SEL1L3: variants seen among roughly 807,000 people sequenced by gnomAD.
SEL1L3 encodes the protein protein sel-1 homolog 3.
A neutral mutation model predicts 142.8 loss-of-function variants in SEL1L3; 76 were observed. That is an observed-to-expected ratio of 0.53 (90% CI 0.44 to 0.64). The LOEUF (loss-of-function observed/expected upper bound fraction) is 0.64. Ranked by LOEUF, SEL1L3 falls within the 30% of genes least tolerant of loss-of-function variation. SEL1L3 has a pLI of 0.00. For missense variants in SEL1L3, 1,262 were observed against 1,381.7 expected (o/e 0.91, Z 1.37); for synonymous variants, 504 against 519.6 (o/e 0.97, Z 0.41).
At chr4:25,830,239 G>T in intron 5 of SEL1L3, 83 bp from the exon 6 acceptor site, 1 of 861,676 alleles carries the variant, frequency 1.2e-6, no homozygotes, top group Non-Finnish European at 1.9e-6. Flanking sequence ...AATTACTCAT[G>T]ATATGTGTTG....
chr4:25,768,526 G>A (rs1718917245), intron 17 of SEL1L3, among the ~76,000 whole-genome samples: 1 of 152,194 alleles, frequency 6.6e-6, no homozygotes, highest in South Asian at 2.1e-4. Flanking sequence ...AGGACAGGCG[G>A]GAGGAGTCTT....
rs192763299 is a variant in SEL1L3 at position 25,816,044 on chromosome 4, T to C, written c.1564+2094A>G. On this transcript the variant is annotated intron_variant, in intron 9 of 23. Transcript: ENST00000399878. ...TGTGCTGATACTGTTCTAAGTATAT[T>C]GTATATATATGAAATACTTATATAA... Among the ~76,000 whole-genome samples the C allele has an allele frequency of 2.4e-4, 35 of 148,440 alleles. No homozygotes were observed. In the East Asian group the frequency reaches 6.8e-3, roughly 29 times the overall value.
downstream of SEL1L3, among the ~76,000 whole-genome samples, chr4:25,744,440 A>T (rs530199564): frequency 1.4e-4 from 19 of 134,038 alleles, no homozygotes; most frequent in African/African-American, 5.3e-4. Context: ...CGCAACCTCC[A>T]CCTCCCAGGT....
At chr4:25,818,087 A>G in intron 9 of SEL1L3, 51 bp downstream of exon 9, 2 of 1,575,750 alleles carry the variant, frequency 1.3e-6, no homozygotes, top group East Asian at 4.5e-5. Context: ...ACAGAGAAAA[A>G]CAAGGAGCCT....
intron 11 of SEL1L3, among the ~76,000 whole-genome samples, chr4:25,801,157 CT>C (rs1407115316): frequency 1.3e-5 from 2 of 152,222 alleles, no homozygotes; most frequent in Non-Finnish European, 2.9e-5. Flanking sequence ...AATCCCAGCA[CT>C]TTGGGAGGGT....
the SEL1L3 span, among the ~76,000 whole-genome samples, chr4:25,714,906 T>C: frequency 6.6e-6 from 1 of 152,064 alleles, no homozygotes; most frequent in African/African-American, 2.4e-5. Context: ...TTTTGAAATG[T>C]AGGATAATAT....
chr4:25,801,583 A>C (rs943287605), intron 11 of SEL1L3, among the ~76,000 whole-genome samples: 14 of 152,194 alleles, frequency 9.2e-5, no homozygotes, highest in Non-Finnish European at 1.9e-4. Flanking sequence ...AATGTAATAC[A>C]TTATGGTCTT....
At chr4:25,806,288 A>T (rs890520165) in intron 9 of SEL1L3, among the ~76,000 whole-genome samples, 1 of 151,382 alleles carries the variant, frequency 6.6e-6, no homozygotes, top group Non-Finnish European at 1.5e-5. Context: ...CCGCCCGCCT[A>T]GGCCTCCCAA....
the SEL1L3 span, among the ~76,000 whole-genome samples, chr4:25,717,265 C>A: frequency 1.3e-3 from 200 of 152,290 alleles, 1 homozygote; most frequent in African/African-American, 4.2e-3. Context: ...GGAGGATGAA[C>A]CTTTTCCTGG....
the SEL1L3 span, among the ~76,000 whole-genome samples, chr4:25,741,355 C>T: frequency 6.6e-6 from 1 of 151,678 alleles, no homozygotes; most frequent in South Asian, 2.1e-4. Context: ...CCCGCCTCAG[C>T]CTCCCAAAGT....
chr4:25,782,743 C>G (rs1398280008), intron 14 of SEL1L3, among the ~76,000 whole-genome samples: 1 of 152,180 alleles, frequency 6.6e-6, no homozygotes, highest in Non-Finnish European at 1.5e-5. Flanking sequence ...CCTGCCGCAT[C>G]AATAGTGCCC....
At chr4:25,804,189 C>G (rs536906581) in intron 10 of SEL1L3, among the ~76,000 whole-genome samples, 26 of 152,136 alleles carry the variant, frequency 1.7e-4, no homozygotes, top group Non-Finnish European at 3.4e-4. Flanking sequence ...CTTCACTTAG[C>G]TAAAAAGTGA....
At chr4:25,851,373 A>G (rs1034254623) in intron 1 of SEL1L3, among the ~76,000 whole-genome samples, 3 of 152,158 alleles carry the variant, frequency 2.0e-5, no homozygotes, top group Admixed American at 6.5e-5. Flanking sequence ...AGACTCAGAA[A>G]TACCATTTGG....
intron 23 of SEL1L3, chr4:25,756,180 T>C (rs918274355): frequency 3.0e-6 from 3 of 985,418 alleles, no homozygotes; most frequent in Non-Finnish European, 2.4e-6. Flanking sequence ...AGTCCTAATC[T>C]ACCCATTTGT....
chr4:25,835,180 C>T lies in SEL1L3; in HGVS notation c.860+17G>A. 6.2e-7 allele frequency: 1 copy of T among 1,613,766 alleles called. No individual in the cohort carries two copies. Among genetic ancestry groups the T allele is most frequent in the Non-Finnish European group, 8.5e-7 (1 of 1,179,712 alleles). On this transcript the variant is annotated intron_variant, in intron 3 of 23. Transcript: ENST00000399878. ...CAAGCACCGCCCGATCAGCTCCCTTCTGCTACCCATCCTTACACTGGGTAA... is the reference window on the plus strand; with the variant it reads ...CAAGCACCGCCCGATCAGCTCCCTTTTGCTACCCATCCTTACACTGGGTAA...
chr4:25,811,470 A>G (rs543887272), intron 9 of SEL1L3, among the ~76,000 whole-genome samples: 2 of 151,300 alleles, frequency 1.3e-5, no homozygotes, highest in South Asian at 2.1e-4. Context: ...AGTCCATAGA[A>G]CTCTTAGCAG....
At chr4:25,792,127 G>A (rs974353340) in intron 11 of SEL1L3, among the ~76,000 whole-genome samples, 1 of 152,172 alleles carries the variant, frequency 6.6e-6, no homozygotes, top group Non-Finnish European at 1.5e-5. Flanking sequence ...CAAGTTAACA[G>A]TAACACTTAG....
At chr4:25,857,129 G>T (rs889193162) in intron 1 of SEL1L3, among the ~76,000 whole-genome samples, 1 of 151,960 alleles carries the variant, frequency 6.6e-6, no homozygotes, top group African/African-American at 2.4e-5. Context: ...TGCCTTAAAG[G>T]GCCTATTTTT....
At chr4:25,838,426 G>A (rs886652765) in intron 2 of SEL1L3, among the ~76,000 whole-genome samples, 1 of 152,176 alleles carries the variant, frequency 6.6e-6, no homozygotes, top group Non-Finnish European at 1.5e-5. Flanking sequence ...CAAGAAAAGT[G>A]TGAGTGTCTT....
Sources: gnomAD v4.1 joint callset for allele counts (sites outside exome capture counted in the v4.1 genomes callset) on GRCh38, gnomAD v4.1.1 for gene constraint, MANE v1.5 for transcripts, NCBI Gene and HGNC (gene_info 2026-07-23, HGNC 2026-07-21) for gene names.